RORA: variants seen among roughly 807,000 people sequenced by gnomAD.
The protein encoded by RORA is nuclear receptor ROR-alpha.
In RORA, 7 loss-of-function variants were observed where a neutral mutation model predicts 69.5. That is an observed-to-expected ratio of 0.10 (90% CI 0.06 to 0.19). The LOEUF (loss-of-function observed/expected upper bound fraction) is 0.19. Ranked by LOEUF, RORA falls within the 10% of genes least tolerant of loss-of-function variation. The pLI is 1.00. For synonymous variants in RORA, 261 were observed against 240.8 expected (o/e 1.08, Z -0.78); for missense variants, 457 against 663.0 (o/e 0.69, Z 3.41).
chr15:60,752,776 G>T (rs1391106463), intron 1 of RORA, among the ~76,000 whole-genome samples: 1 of 152,110 alleles, frequency 6.6e-6, no homozygotes, highest in African/African-American at 2.4e-5. Flanking sequence ...TCCCAGGCCT[G>T]GTGCAGGGGC....
At chr15:60,714,915 C>A (rs2071200136) in intron 1 of RORA, among the ~76,000 whole-genome samples, 3 of 152,080 alleles carry the variant, frequency 2.0e-5, no homozygotes, top group Admixed American at 2.0e-4. Context: ...GAAGAGCCAT[C>A]CAATCCCTGA....
chr15:60,718,180 T>C (rs539575823), intron 1 of RORA, among the ~76,000 whole-genome samples: 2 of 152,322 alleles, frequency 1.3e-5, no homozygotes, highest in South Asian at 2.1e-4. Flanking sequence ...GTTCAACATA[T>C]AGGCAAAAGA....
chr15:60,960,185 C>T (rs1893375677), intron 1 of RORA, among the ~76,000 whole-genome samples: 1 of 152,086 alleles, frequency 6.6e-6, no homozygotes, highest in African/African-American at 2.4e-5. Flanking sequence ...TTTTGTGGTC[C>T]CTTCCCACTC....
intron 1 of RORA, among the ~76,000 whole-genome samples, chr15:61,126,363 G>A (rs2079142579): frequency 6.6e-6 from 1 of 151,848 alleles, no homozygotes; most frequent in South Asian, 2.1e-4. Context: ...ACCTTTTTTT[G>A]TACTGAGAAC....
intron 1 of RORA, among the ~76,000 whole-genome samples, chr15:60,838,087 A>G (rs2073142619): frequency 6.6e-6 from 1 of 151,640 alleles, no homozygotes; most frequent in African/African-American, 2.4e-5. Flanking sequence ...CTGAATACAG[A>G]CTCTGTTCTT....
intron 1 of RORA, among the ~76,000 whole-genome samples, chr15:60,802,437 G>C (rs1428485537): frequency 2.6e-5 from 4 of 152,114 alleles, no homozygotes; most frequent in South Asian, 4.1e-4. Flanking sequence ...ACTCTGTCTG[G>C]GTGGGAATTC....
chr15:60,578,911 C>T (rs2068107279), intron 2 of RORA, among the ~76,000 whole-genome samples: 1 of 151,772 alleles, frequency 6.6e-6, no homozygotes, highest in South Asian at 2.1e-4. Context: ...CTACAGGCGC[C>T]CGCCACCATG....
At chr15:60,671,463 G>T (rs958589561) in intron 2 of RORA, among the ~76,000 whole-genome samples, 2 of 152,004 alleles carry the variant, frequency 1.3e-5, no homozygotes, top group Non-Finnish European at 2.9e-5. Flanking sequence ...TTGTTAAAAA[G>T]ATAAGTAATG....
chr15:61,024,440 T>C (rs914960777), intron 1 of RORA, among the ~76,000 whole-genome samples: 25 of 121,056 alleles, frequency 2.1e-4, no homozygotes, highest in Admixed American at 1.7e-3. Flanking sequence ...CAAGCTACCA[T>C]GCCCGGTAAT....
intron 1 of RORA, among the ~76,000 whole-genome samples, chr15:60,886,948 C>T (rs2073757679): frequency 6.6e-6 from 1 of 152,164 alleles, no homozygotes; most frequent in Non-Finnish European, 1.5e-5. Context: ...ACATTTAAAC[C>T]CAACAGCCCA....
chr15:60,668,313 G>C (rs992606989), intron 2 of RORA, among the ~76,000 whole-genome samples: 1 of 152,236 alleles, frequency 6.6e-6, no homozygotes, highest in African/African-American at 2.4e-5. Flanking sequence ...AAGAGCAAGA[G>C]TGGTAAGAGA....
At chr15:60,606,454 G>GT (rs77421579) in intron 2 of RORA, among the ~76,000 whole-genome samples, 3 of 151,808 alleles carry the variant, frequency 2.0e-5, no homozygotes, top group Admixed American at 6.6e-5. Context: ...TCTTGTTGTT[G>GT]TTTTTTTTAA....
intron 2 of RORA, among the ~76,000 whole-genome samples, chr15:60,532,417 C>A (rs1386319936): frequency 6.6e-6 from 1 of 152,146 alleles, no homozygotes; most frequent in Admixed American, 6.5e-5. Context: ...AACCTTTCAA[C>A]CATAGAGTTA....
intron 2 of RORA, among the ~76,000 whole-genome samples, chr15:60,612,917 C>CT (rs905138822): frequency 1.5e-4 from 22 of 151,294 alleles, no homozygotes; most frequent in Non-Finnish European, 2.2e-4. Context: ...AATGCCTTTT[C>CT]TTTTTTTTCC....
chr15:61,101,244 C>A (rs1022734911), intron 1 of RORA, among the ~76,000 whole-genome samples: 1 of 151,830 alleles, frequency 6.6e-6, no homozygotes, highest in East Asian at 1.9e-4. Context: ...AGGGTAGGGA[C>A]GGTTAATAGA....
chr15:61,217,696 G>C (rs1000218544), intron 1 of RORA, among the ~76,000 whole-genome samples: 5 of 152,054 alleles, frequency 3.3e-5, no homozygotes, highest in African/African-American at 1.2e-4. Context: ...AAAGTACTCA[G>C]TAAATATATG....
At chr15:60,742,130 T>A (rs1212187945) in intron 1 of RORA, among the ~76,000 whole-genome samples, 1 of 152,232 alleles carries the variant, frequency 6.6e-6, no homozygotes, top group Non-Finnish European at 1.5e-5. Flanking sequence ...TAGATATATA[T>A]GTGTATGTAT....
chr15:60,664,166 T>A (rs896477060), intron 2 of RORA, among the ~76,000 whole-genome samples: 1 of 152,170 alleles, frequency 6.6e-6, no homozygotes, highest in African/African-American at 2.4e-5. Context: ...ACCCCAATTA[T>A]ACACAGGATT....
At chr15:60,860,295 C>T (rs1041664509) in intron 1 of RORA, among the ~76,000 whole-genome samples, 1 of 152,186 alleles carries the variant, frequency 6.6e-6, no homozygotes, top group African/African-American at 2.4e-5. Context: ...AGAGTGCAGT[C>T]ATTTCTCTAA....
Sources: allele counts gnomAD v4.1 joint callset (sites outside exome capture counted in the v4.1 genomes callset), GRCh38; gene constraint gnomAD v4.1.1; transcripts MANE v1.5; gene names NCBI Gene and HGNC (gene_info 2026-07-23, HGNC 2026-07-21).